C5: variants seen among roughly 807,000 people sequenced by gnomAD.
C5 encodes complement C5, also known as C3 and PZP-like alpha-2-macroglobulin domain-containing protein 4.
A neutral mutation model predicts 218.8 loss-of-function variants in C5; 140 were observed. The ratio of observed to expected loss-of-function variants is 0.64; its 90% CI spans 0.56 to 0.74. The LOEUF is 0.74. Ranked by LOEUF, C5 falls within the 30% of genes least tolerant of loss-of-function variation. The pLI, the probability that C5 is intolerant of heterozygous loss-of-function variation, is 0.00. For missense variants in C5, 1,700 were observed against 1,969.6 expected (o/e 0.86, Z 2.59); for synonymous variants, 614 against 682.3 (o/e 0.90, Z 1.56).
chr9:121,070,275 T>G, the C5 span, among the ~76,000 whole-genome samples: 1 of 151,434 alleles, frequency 6.6e-6, no homozygotes. Flanking sequence ...GAGAATCGCT[T>G]GAACCTAGGA....
chr9:120,961,597 G>T (rs1353037713), intron 36 of C5, 32 bp from the exon 37 acceptor site: 2 of 1,371,252 alleles, frequency 1.5e-6, no homozygotes, highest in Non-Finnish European at 2.1e-6. Context: ...TAAGAGAAGT[G>T]GTTTGATTGA....
chr9:121,044,947 T>C (rs7856313), intron 2 of C5, among the ~76,000 whole-genome samples: 3,684 of 150,472 alleles, frequency 0.024, 157 homozygotes, highest in African/African-American at 0.086. Context: ...AGTAACACTT[T>C]CTTTTTTTTT....
intron 33 of C5, among the ~76,000 whole-genome samples, chr9:120,966,346 C>G (rs954645364): frequency 6.6e-6 from 1 of 152,090 alleles, no homozygotes; most frequent in African/African-American, 2.4e-5. Context: ...TTTTTCTGTA[C>G]GGCAGAATTG....
At chr9:121,037,773 T>C in intron 4 of C5, 108 bp downstream of exon 4, 1 of 578,068 alleles carries the variant, frequency 1.7e-6, no homozygotes, top group East Asian at 2.9e-5. Flanking sequence ...TCAATAACCA[T>C]TTATGGAACA....
intron 1 of C5, among the ~76,000 whole-genome samples, chr9:121,048,571 A>T (rs1319341961): frequency 1.3e-5 from 2 of 152,230 alleles, no homozygotes; most frequent in Admixed American, 1.3e-4. Flanking sequence ...TAGTGCCAAA[A>T]TGGTTGGGGA....
chr9:121,035,013 A>C, intron 4 of C5, 119 bp from the exon 5 acceptor site: 1 of 603,654 alleles, frequency 1.7e-6, no homozygotes, highest in Non-Finnish European at 2.9e-6. Context: ...ACAAATACCC[A>C]TGTCTTCAAA....
At chr9:121,039,030 G>T (rs771626026) in intron 3 of C5, among the ~76,000 whole-genome samples, 1 of 152,058 alleles carries the variant, frequency 6.6e-6, no homozygotes, top group Non-Finnish European at 1.5e-5. Flanking sequence ...AAACACTTTG[G>T]TTTCACTCCT....
chr9:121,052,811 A>G (rs943175097), upstream of C5, among the ~76,000 whole-genome samples: 1 of 152,158 alleles, frequency 6.6e-6, no homozygotes, highest in African/African-American at 2.4e-5. Context: ...TTTCAAATGG[A>G]TATTCTTTAG....
rs766135914 is a variant in C5 at position 121,043,271 on chromosome 9, A to G, written c.259-105T>C. The G allele has an allele frequency of 2.5e-4, 239 of 967,132 alleles. 1 individual carries two copies. Among genetic ancestry groups the G allele is most frequent in the South Asian group, 6.0e-5 (4 of 66,506 alleles). The allele number at this position is 967,132 out of a possible 1,614,324, so 59.9% of individuals were successfully genotyped here. A position where few individuals can be genotyped will look rare whatever the true frequency, so the allele number is the denominator to read the frequency against. Reference sequence around the variant, plus strand: ...TCTCATTAGAACAATCAGTATGTATATGTAATCATTTAAAAAGTGATACAG... The same window carrying G: ...TCTCATTAGAACAATCAGTATGTATGTGTAATCATTTAAAAAGTGATACAG... On this transcript the variant is annotated intron_variant, in intron 2 of 40. Transcript: ENST00000223642.
chr9:120,977,413 G>A (rs2046961646), intron 28 of C5, among the ~76,000 whole-genome samples: 1 of 152,032 alleles, frequency 6.6e-6, no homozygotes, highest in African/African-American at 2.4e-5. Context: ...AATACTTCTG[G>A]TCCCAAGCAG....
At chr9:121,006,277 T>G (rs2047215082) in intron 19 of C5, among the ~76,000 whole-genome samples, 1 of 152,224 alleles carries the variant, frequency 6.6e-6, no homozygotes, top group Non-Finnish European at 1.5e-5. Context: ...ATTCAACAAA[T>G]AGTTAATTCT....
intron 9 of C5, among the ~76,000 whole-genome samples, chr9:121,023,742 C>T (rs532064906): frequency 3.3e-5 from 5 of 152,196 alleles, no homozygotes; most frequent in Non-Finnish European, 4.4e-5. Context: ...TGCACAAGCT[C>T]GTATGTAGAG....
chr9:121,046,865 A>G (rs1213591247), intron 1 of C5, among the ~76,000 whole-genome samples: 1 of 152,156 alleles, frequency 6.6e-6, no homozygotes, highest in African/African-American at 2.4e-5. Flanking sequence ...AAATAAGAAC[A>G]TATATATGAA....
intron 28 of C5, among the ~76,000 whole-genome samples, chr9:120,978,005 T>C (rs945246441): frequency 2.0e-5 from 3 of 152,162 alleles, no homozygotes; most frequent in Non-Finnish European, 4.4e-5. Flanking sequence ...ATTATTATTA[T>C]TATTATTATT....
intron 9 of C5, among the ~76,000 whole-genome samples, chr9:121,024,422 C>G (rs1214136826): frequency 6.0e-5 from 9 of 149,314 alleles, no homozygotes; most frequent in African/African-American, 2.2e-4. Flanking sequence ...ATAATGTTAT[C>G]CTCCAGGTAA....
the C5 span, among the ~76,000 whole-genome samples, chr9:121,063,488 G>A: frequency 9.2e-5 from 14 of 151,902 alleles, no homozygotes; most frequent in Admixed American, 7.9e-4. Flanking sequence ...AATATCTCAC[G>A]TAAAGTCCAT....
chr9:120,958,567 C>CTT (rs41313613), intron 38 of C5, among the ~76,000 whole-genome samples: 8 of 143,504 alleles, frequency 5.6e-5, no homozygotes, highest in South Asian at 2.2e-4. Context: ...AGCTTTTTAG[C>CTT]TTTTTTTTTT....
intron 25 of C5, among the ~76,000 whole-genome samples, chr9:120,987,855 C>T (rs546198984): frequency 1.3e-4 from 20 of 151,932 alleles, no homozygotes; most frequent in East Asian, 9.8e-4. Flanking sequence ...TGCAGTAGCG[C>T]GATCTCGGCT....
intron 31 of C5, among the ~76,000 whole-genome samples, chr9:120,971,171 C>CAAAAAAAA (rs1156915974): frequency 1.7e-5 from 1 of 57,948 alleles, no homozygotes; most frequent in African/African-American, 6.0e-5. Flanking sequence ...GACTCCATCT[C>CAAAAAAAA]AAAAAAAAAA....
Sources: gnomAD v4.1 joint callset for allele counts (sites outside exome capture counted in the v4.1 genomes callset) on GRCh38, gnomAD v4.1.1 for gene constraint, MANE v1.5 for transcripts, NCBI Gene and HGNC (gene_info 2026-07-23, HGNC 2026-07-21) for gene names.